The following INVS variants were observed in gnomAD, a reference collection of about 807,000 sequenced individuals.
INVS encodes inversion of embryo turning homolog.
In INVS, 86 loss-of-function variants were observed where a neutral mutation model predicts 108.8. The ratio of observed to expected loss-of-function variants is 0.79; its 90% CI spans 0.66 to 0.95. The LOEUF (loss-of-function observed/expected upper bound fraction) is 0.95. Ranked by LOEUF, INVS falls within the 40% of genes least tolerant of loss-of-function variation. The pLI is 0.00. For missense variants in INVS, 1,169 were observed against 1,297.4 expected, an observed-to-expected ratio of 0.90 and a Z score of 1.52; for synonymous variants, 455 against 473.5, an observed-to-expected ratio of 0.96 and a Z score of 0.51.
At chr9:100,239,002 T>C (rs1267371248) in intron 5 of INVS, among the ~76,000 whole-genome samples, 1 of 152,262 alleles carries the variant, frequency 6.6e-6, no homozygotes, top group Non-Finnish European at 1.5e-5. Context: ...ATGATTAATT[T>C]CTGCCAGCAT....
At chr9:100,284,222 T>C in intron 12 of INVS, 98 bp from the exon 13 acceptor site, 1 of 1,383,854 alleles carries the variant, frequency 7.2e-7, no homozygotes. Context: ...ATATCTCCTG[T>C]GATGTAGTAG....
intron 10 of INVS, among the ~76,000 whole-genome samples, chr9:100,254,658 G>A (rs10989034): frequency 0.18 from 26,896 of 151,844 alleles, 2,762 homozygotes; most frequent in African/African-American, 0.29. Flanking sequence ...TCCCAGCACT[G>A]TTTATTAAAT....
chr9:100,276,815 T>TA (rs1391577777), intron 12 of INVS, among the ~76,000 whole-genome samples: 1 of 152,172 alleles, frequency 6.6e-6, no homozygotes, highest in African/African-American at 2.4e-5. Flanking sequence ...CCCTCATTCT[T>TA]AAATACCAGC....
chr9:100,292,243 G>A, intron 13 of INVS, 83 bp from the exon 14 acceptor site: 3 of 1,238,848 alleles, frequency 2.4e-6, no homozygotes, highest in Non-Finnish European at 3.6e-6. Flanking sequence ...TATAGGCTAA[G>A]TCTGAATATT....
rs780090630 is a variant in INVS at position 100,154,331 on chromosome 9, ATTTTTTTTTT to A, written c.273+27801_273+27810del. On this transcript the variant is annotated intron_variant, in intron 3 of 16. Coordinates refer to ENST00000262457, the MANE Select transcript of INVS (RefSeq NM_014425.5). The stretch of plus-strand genomic sequence containing the variant: ...AGGTGTGTGCCACCACAACCGACTA[ATTTTTTTTTT>A]TTTTTTTTTTTTTTTTTTGTAGAGA... Among the ~76,000 whole-genome samples the A allele has an allele frequency of 7.8e-3, 533 of 68,580 alleles. 8 individuals are homozygous for A. The highest frequency in any genetic ancestry group is 0.038 in the African/African-American group (492 of 13,002). The allele number at this position is 68,580 out of a possible 152,430, so 45.0% of individuals were successfully genotyped here.
At chr9:100,217,069 G>A (rs535407380) in intron 3 of INVS, among the ~76,000 whole-genome samples, 53 of 152,286 alleles carry the variant, frequency 3.5e-4, no homozygotes, top group African/African-American at 1.2e-3. Context: ...AGAACGTTGA[G>A]AGGCCGAGGT....
chr9:100,102,078 C>G (rs1227887353), intron 1 of INVS: 7 of 151,870 alleles, frequency 4.6e-5, no homozygotes, highest in African/African-American at 1.2e-4. Context: ...TCCTATGCGG[C>G]TGATACTTAT....
chr9:100,277,335 C>T (rs765224586), intron 12 of INVS, among the ~76,000 whole-genome samples: 2 of 152,232 alleles, frequency 1.3e-5, no homozygotes, highest in African/African-American at 2.4e-5. Flanking sequence ...CTCCCGTGAA[C>T]ATCACCAGAT....
chr9:100,269,497 G>A (rs529939813), intron 11 of INVS, among the ~76,000 whole-genome samples: 1 of 152,002 alleles, frequency 6.6e-6, no homozygotes, highest in Non-Finnish European at 1.5e-5. Context: ...CTAAAATAGA[G>A]GTTCCTTAAT....
At chr9:100,142,617 CAA>C (rs1303177999) in intron 3 of INVS, among the ~76,000 whole-genome samples, 2 of 151,958 alleles carry the variant, frequency 1.3e-5, no homozygotes, top group Non-Finnish European at 2.9e-5. Flanking sequence ...GGAGACTCAA[CAA>C]AGAGTGAATA....
chr9:100,275,712 G>A (rs1833091235), intron 12 of INVS, among the ~76,000 whole-genome samples: 1 of 152,152 alleles, frequency 6.6e-6, no homozygotes. Context: ...GATGTGAAAG[G>A]CACTTATTAA....
intron 5 of INVS, among the ~76,000 whole-genome samples, chr9:100,233,751 G>T (rs540961177): frequency 2.6e-5 from 4 of 152,260 alleles, no homozygotes; most frequent in Admixed American, 1.3e-4. Flanking sequence ...GCTTTTTGAT[G>T]TGCTACTGGT....
chr9:100,245,560 G>A (rs1388883181), intron 7 of INVS, among the ~76,000 whole-genome samples: 1 of 152,218 alleles, frequency 6.6e-6, no homozygotes, highest in South Asian at 2.1e-4. Flanking sequence ...GATTACAGGC[G>A]TGAGCCACTG....
intron 12 of INVS, among the ~76,000 whole-genome samples, chr9:100,274,818 G>T (rs1316538791): frequency 6.6e-6 from 1 of 152,152 alleles, no homozygotes; most frequent in Non-Finnish European, 1.5e-5. Flanking sequence ...GCAGATTCTT[G>T]AAAGATAACT....
At position 100,292,398 on chromosome 9, in the gene INVS, G is replaced by A. The variant is rs763347036; in HGVS notation, c.2141G>A (p.Ser714Asn). ...AGACCCAATGAAGGCAGTGATGGAA[G>A]CAGGCATCCAGGAGTTCCCTCTGTT... ...HFRPNEGSDG[S>N]RHPGVPSVEK... Residue 714 changes from serine to asparagine, a missense_variant, in exon 14 of 17, where the codon AGC becomes AAC. Physicochemically the swap from Ser to Asn is conservative, Grantham distance 46 (BLOSUM62 1). This residue lies in a region of INVS where 533 missense variants were observed against 536.0 expected (regional missense o/e 0.99). Coordinates refer to ENST00000262457, the MANE Select transcript of INVS (RefSeq NM_014425.5). 1.3e-5 allele frequency: 21 copies of A among 1,614,074 alleles called. 1 individual carries two copies. In the South Asian group the frequency reaches 2.2e-4, roughly 17 times the overall value.
At chr9:100,164,744 T>G (rs1037207068) in intron 3 of INVS, among the ~76,000 whole-genome samples, 1 of 152,160 alleles carries the variant, frequency 6.6e-6, no homozygotes, top group African/African-American at 2.4e-5. Context: ...CCAATTACCA[T>G]TGTCTCATAA....
At chr9:100,164,450 G>A (rs896278104) in intron 3 of INVS, among the ~76,000 whole-genome samples, 2 of 151,910 alleles carry the variant, frequency 1.3e-5, no homozygotes, top group African/African-American at 2.4e-5. Flanking sequence ...TTCTTAAGGA[G>A]AACTTCAAAC....
intron 3 of INVS, among the ~76,000 whole-genome samples, chr9:100,191,665 GTTCT>G (rs1475350390): frequency 6.6e-6 from 1 of 151,886 alleles, no homozygotes; most frequent in African/African-American, 2.4e-5. Context: ...AACCTTTTGG[GTTCT>G]TTATCTGGTA....
intron 1 of INVS, among the ~76,000 whole-genome samples, chr9:100,104,243 C>T (rs1041924985): frequency 3.9e-5 from 6 of 151,940 alleles, no homozygotes; most frequent in African/African-American, 7.3e-5. Flanking sequence ...AGACAGGTCT[C>T]ACTAAGATAG....
Sources: gnomAD v4.1 joint callset for allele counts (sites outside exome capture counted in the v4.1 genomes callset) on GRCh38, gnomAD v4.1.1 for gene constraint, gnomAD v4.1.1 regional missense constraint, MANE v1.5 for transcripts, NCBI Gene and HGNC (gene_info 2026-07-23, HGNC 2026-07-21) for gene names.